The following GHR variants were observed in gnomAD, a reference collection of about 807,000 sequenced individuals.
The protein encoded by GHR is GH receptor.
Under a neutral mutation model 67.1 loss-of-function variants are expected in GHR, and 35 were observed. The ratio of observed to expected loss-of-function variants is 0.52; its 90% confidence interval spans 0.40 to 0.69. The LOEUF (loss-of-function observed/expected upper bound fraction) is 0.69, where lower values mean the gene tolerates loss of function less well. GHR is among the 30% of genes least tolerant of loss of function. The pLI is 0.00. For synonymous variants in GHR, 272 were observed against 269.1 expected (o/e 1.01, Z -0.10); for missense variants, 792 against 764.6 (o/e 1.04, Z -0.42).
At chr5:42,562,438 G>A (rs1405531420) in intron 1 of GHR, among the ~76,000 whole-genome samples, 4 of 152,052 alleles carry the variant, frequency 2.6e-5, no homozygotes, top group Non-Finnish European at 5.9e-5. Flanking sequence ...AGTTAGAGTC[G>A]GGTCCCTATG....
chr5:42,592,126 T>C (rs1319181424), intron 2 of GHR, among the ~76,000 whole-genome samples: 1 of 152,160 alleles, frequency 6.6e-6, no homozygotes, highest in Non-Finnish European at 1.5e-5. Context: ...GCTTTCCTAG[T>C]AGGTTGCTGT....
At chr5:42,703,838 G>C (rs931074526) in intron 6 of GHR, among the ~76,000 whole-genome samples, 1 of 151,628 alleles carries the variant, frequency 6.6e-6, no homozygotes, top group African/African-American at 2.4e-5. Flanking sequence ...TTCTTTCTCA[G>C]ATTGTTCCTT....
At chr5:42,431,023 T>C (rs1743070689) in intron 1 of GHR, among the ~76,000 whole-genome samples, 2 of 152,176 alleles carry the variant, frequency 1.3e-5, no homozygotes, top group African/African-American at 4.8e-5. Flanking sequence ...ATATTTCTTG[T>C]ATGTTAAAAA....
intron 2 of GHR, among the ~76,000 whole-genome samples, chr5:42,593,584 T>G (rs1294841249): frequency 6.6e-6 from 1 of 152,176 alleles, no homozygotes. Context: ...AGCTACCTCC[T>G]AAGGAGGCCC....
intron 3 of GHR, among the ~76,000 whole-genome samples, chr5:42,648,065 C>T (rs1188734728): frequency 6.6e-6 from 1 of 152,026 alleles, no homozygotes; most frequent in Non-Finnish European, 1.5e-5. Flanking sequence ...CAACAAGAAA[C>T]ATAAAGAAGT....
chr5:42,696,929 G>T (rs539679734), intron 5 of GHR, among the ~76,000 whole-genome samples: 2 of 152,300 alleles, frequency 1.3e-5, no homozygotes, highest in South Asian at 4.1e-4. Flanking sequence ...TACTCTTGAG[G>T]CTTTGCAGTA....
chr5:42,567,355 G>C (rs1750000349), intron 2 of GHR, among the ~76,000 whole-genome samples: 1 of 152,212 alleles, frequency 6.6e-6, no homozygotes, highest in South Asian at 2.1e-4. Flanking sequence ...AGTCTGCAAG[G>C]AGCATCTGTT....
At chr5:42,435,009 A>C (rs149321107) in intron 1 of GHR, among the ~76,000 whole-genome samples, 179 of 152,280 alleles carry the variant, frequency 1.2e-3, no homozygotes, top group Non-Finnish European at 2.1e-3. Flanking sequence ...AAAACAGTTG[A>C]TTATTCTTAT....
intron 2 of GHR, among the ~76,000 whole-genome samples, chr5:42,567,494 G>A (rs192435533): frequency 2.0e-5 from 3 of 152,044 alleles, no homozygotes; most frequent in Admixed American, 2.0e-4. Context: ...TTTGTTCAGG[G>A]AGAGCAGAAT....
At chr5:42,450,236 T>G (rs1743988697) in intron 1 of GHR, among the ~76,000 whole-genome samples, 1 of 152,226 alleles carries the variant, frequency 6.6e-6, no homozygotes, top group Non-Finnish European at 1.5e-5. Flanking sequence ...AGAATTCAGC[T>G]GTGAATCCAT....
Position 42,598,452 on chromosome 5 carries a change from T to C in GHR, c.71-30586T>C, listed in dbSNP as rs1752197205. 2.0e-5 allele frequency among the ~76,000 whole-genome samples: 3 copies of C among 152,332 alleles called. No homozygotes were observed. In the South Asian group the frequency reaches 6.2e-4, roughly 32 times the overall value. On this transcript the variant is annotated intron_variant, in intron 2 of 9. Coordinates refer to ENST00000230882, the MANE Select transcript of GHR (RefSeq NM_000163.5). Reference sequence around the variant, plus strand: ...CCAAGTTAGTGCACAGGCTGCTGGGTAGGGCTTGAGGCTTTCCTCTTGCCT... The same window carrying C: ...CCAAGTTAGTGCACAGGCTGCTGGGCAGGGCTTGAGGCTTTCCTCTTGCCT...
chr5:42,589,816 T>C (rs898788406), intron 2 of GHR, among the ~76,000 whole-genome samples: 1 of 152,234 alleles, frequency 6.6e-6, no homozygotes, highest in Non-Finnish European at 1.5e-5. Context: ...AACCTTGATG[T>C]AGCAAATCAT....
chr5:42,433,180 A>T (rs901092605), intron 1 of GHR, among the ~76,000 whole-genome samples: 5 of 152,038 alleles, frequency 3.3e-5, no homozygotes, highest in African/African-American at 1.2e-4. Flanking sequence ...AGACATATCT[A>T]CTTTGCCAGA....
chr5:42,434,560 C>T (rs1743239071), intron 1 of GHR, among the ~76,000 whole-genome samples: 1 of 152,186 alleles, frequency 6.6e-6, no homozygotes, highest in Non-Finnish European at 1.5e-5. Context: ...TTCACAGTCT[C>T]AGTGACAGAT....
chr5:42,537,733 C>G (rs748157425), intron 1 of GHR, among the ~76,000 whole-genome samples: 3 of 152,216 alleles, frequency 2.0e-5, no homozygotes, highest in Admixed American at 6.5e-5. Context: ...TCTGGATGAC[C>G]TGTCTAGTGC....
At chr5:42,518,909 G>T (rs1747355143) in intron 1 of GHR, among the ~76,000 whole-genome samples, 1 of 152,140 alleles carries the variant, frequency 6.6e-6, no homozygotes, top group Admixed American at 6.5e-5. Context: ...CTCTCTGTTA[G>T]TCATGTGACT....
chr5:42,557,796 C>T (rs1033362602), intron 1 of GHR, among the ~76,000 whole-genome samples: 3 of 152,194 alleles, frequency 2.0e-5, no homozygotes, highest in South Asian at 2.1e-4. Flanking sequence ...GCCAGTGGAT[C>T]AGATGTCATC....
chr5:42,434,579 C>A (rs577408798), intron 1 of GHR, among the ~76,000 whole-genome samples: 72 of 152,274 alleles, frequency 4.7e-4, no homozygotes, highest in African/African-American at 1.7e-3. Flanking sequence ...ATTTATAACT[C>A]AATTCTTTTA....
At chr5:42,607,262 G>A (rs1752673542) in intron 2 of GHR, among the ~76,000 whole-genome samples, 1 of 152,078 alleles carries the variant, frequency 6.6e-6, no homozygotes, top group African/African-American at 2.4e-5. Flanking sequence ...TTTCTAGCAG[G>A]GTGAAAACAG....
Sources: gnomAD v4.1 joint callset for allele counts (sites outside exome capture counted in the v4.1 genomes callset) on GRCh38, gnomAD v4.1.1 for gene constraint, MANE v1.5 for transcripts, NCBI Gene and HGNC (gene_info 2026-07-23, HGNC 2026-07-21) for gene names.